Variants in MAST4 observed in about 807,000 individuals in gnomAD.
MAST4 encodes microtubule associated serine/threonine kinase family member 4.
MAST4 carries 89 observed loss-of-function variants against 162.7 expected under a neutral mutation model. The ratio of observed to expected loss-of-function variants is 0.55; its 90% CI spans 0.46 to 0.65. The LOEUF (loss-of-function observed/expected upper bound fraction) is 0.65, where lower values mean the gene tolerates loss of function less well. Ranked by LOEUF, MAST4 falls within the 30% of genes least tolerant of loss-of-function variation. The pLI is 0.00. For missense variants in MAST4, 3,153 were observed against 3,374.0 expected, an observed-to-expected ratio of 0.93 and a Z score of 1.62; for synonymous variants, 1,479 against 1,361.1, an observed-to-expected ratio of 1.09 and a Z score of -1.91.
chr5:67,144,870 A>G, intron 22 of MAST4, 74 bp downstream of exon 22: 1 of 1,506,502 alleles, frequency 6.6e-7, no homozygotes, highest in Admixed American at 2.1e-5. Context: ...AGTGAGCATC[A>G]GAATACCTGG....
chr5:66,754,909 C>G (rs1216924135), intron 1 of MAST4, among the ~76,000 whole-genome samples: 1 of 152,026 alleles, frequency 6.6e-6, no homozygotes, highest in Non-Finnish European at 1.5e-5. Context: ...TGGAATGTGT[C>G]GCAGGTAGAG....
intron 1 of MAST4, among the ~76,000 whole-genome samples, chr5:66,704,645 C>T (rs919749028): frequency 7.9e-5 from 12 of 151,924 alleles, no homozygotes; most frequent in East Asian, 3.9e-4. Context: ...GTACTACAGG[C>T]GCTTGCCACC....
chr5:66,761,122 A>T (rs191329916), intron 2 of MAST4, among the ~76,000 whole-genome samples: 5 of 152,278 alleles, frequency 3.3e-5, no homozygotes, highest in Admixed American at 2.6e-4. Context: ...TGTTACATAG[A>T]TGTATCACAT....
intron 4 of MAST4, among the ~76,000 whole-genome samples, chr5:66,910,978 C>T (rs1763719361): frequency 6.6e-6 from 1 of 152,178 alleles, no homozygotes; most frequent in Admixed American, 6.5e-5. Flanking sequence ...AATCTCTTGA[C>T]TTTGTGATCC....
intron 4 of MAST4, among the ~76,000 whole-genome samples, chr5:67,015,310 C>T (rs538269982): frequency 6.6e-6 from 1 of 152,166 alleles, no homozygotes; most frequent in African/African-American, 2.4e-5. Context: ...AGAAACAACC[C>T]CTGCTTTTCA....
intron 3 of MAST4, among the ~76,000 whole-genome samples, chr5:66,878,882 C>A (rs1189528716): frequency 6.6e-6 from 1 of 152,138 alleles, no homozygotes; most frequent in East Asian, 1.9e-4. Context: ...CCTAACAATT[C>A]TATTGAAAAA....
chr5:67,040,026 C>T (rs1445770722), intron 4 of MAST4, among the ~76,000 whole-genome samples: 1 of 151,366 alleles, frequency 6.6e-6, no homozygotes, highest in Non-Finnish European at 1.5e-5. Context: ...CTAATGCAGT[C>T]AGTGTATCTT....
At position 67,110,215 on chromosome 5, in the gene MAST4, A is replaced by G. The variant is rs771864016; in HGVS notation, c.1458+16A>G. The G allele has an allele frequency of 1.3e-6, 2 of 1,537,590 alleles. No individual in the cohort carries two copies. Among genetic ancestry groups the G allele is most frequent in the Admixed American group, 3.3e-5 (2 of 59,876 alleles). Reference sequence around the variant, plus strand: ...AGAGTGCCTGGTAAGTTGCCCCTTGATGTGACTACATTATTTATTGTTAAC... The same window carrying G: ...AGAGTGCCTGGTAAGTTGCCCCTTGGTGTGACTACATTATTTATTGTTAAC... On this transcript the variant is annotated intron_variant, in intron 11 of 28. Coordinates refer to ENST00000403625, the MANE Select transcript of MAST4 (RefSeq NM_001164664.2).
At position 67,022,835 on chromosome 5, in the gene MAST4, A is replaced by G. The variant is rs1754151950; in HGVS notation, c.675-31569A>G. Among the ~76,000 whole-genome samples, 3 of 152,130 alleles carry G rather than the reference A, an allele frequency of 2.0e-5. No individual in the cohort carries two copies. The South Asian group carries it at 6.2e-4, about 32-fold the overall frequency. On this transcript the variant is annotated intron_variant, in intron 4 of 28. Transcript: ENST00000403625. ...AATTGATCTGATTTGTGTGTGTGAA[A>G]TAAGATTGAGCCTCCATGCTGTGAC...
At chr5:66,708,469 A>G (rs1750283515) in intron 1 of MAST4, among the ~76,000 whole-genome samples, 1 of 152,152 alleles carries the variant, frequency 6.6e-6, no homozygotes, top group South Asian at 2.1e-4. Context: ...ATCATACCTA[A>G]CAGACTCTAG....
chr5:66,989,358 T>C (rs1328918367), intron 4 of MAST4, among the ~76,000 whole-genome samples: 1 of 152,204 alleles, frequency 6.6e-6, no homozygotes, highest in African/African-American at 2.4e-5. Flanking sequence ...GAAATAGTCC[T>C]AGTGTTGAGC....
intron 1 of MAST4, among the ~76,000 whole-genome samples, chr5:66,623,935 C>A (rs1284670554): frequency 3.9e-5 from 6 of 152,038 alleles, no homozygotes; most frequent in Non-Finnish European, 8.8e-5. Flanking sequence ...AATCAACATA[C>A]AAAAACAGTG....
intron 1 of MAST4, among the ~76,000 whole-genome samples, chr5:66,667,953 T>C (rs1561249560): frequency 1.3e-5 from 2 of 152,218 alleles, no homozygotes; most frequent in African/African-American, 2.4e-5. Flanking sequence ...TTTTGAAGTT[T>C]GCCTTATTTA....
At chr5:66,612,109 A>G (rs2149395410) in intron 1 of MAST4, among the ~76,000 whole-genome samples, 1 of 152,308 alleles carries the variant, frequency 6.6e-6, no homozygotes, top group South Asian at 2.1e-4. Context: ...TTTTAACCCA[A>G]ATTCACAGGC....
chr5:67,130,055 G>T (rs1403214135), intron 14 of MAST4, among the ~76,000 whole-genome samples, 155 bp from the exon 15 acceptor site: 1 of 152,134 alleles, frequency 6.6e-6, no homozygotes, highest in East Asian at 1.9e-4. Flanking sequence ...AGTTTAGCCT[G>T]GGATGGGATG....
chr5:66,830,236 C>T (rs1016227120), intron 3 of MAST4, among the ~76,000 whole-genome samples: 7 of 152,112 alleles, frequency 4.6e-5, no homozygotes, highest in Admixed American at 3.9e-4. Flanking sequence ...TTTAAATGAT[C>T]TGAAAATGTT....
chr5:67,060,222 A>G (rs1450989627), intron 5 of MAST4, among the ~76,000 whole-genome samples: 1 of 152,152 alleles, frequency 6.6e-6, no homozygotes, highest in Non-Finnish European at 1.5e-5. Flanking sequence ...CTTGCGCTTC[A>G]GCTATATCAG....
In MAST4 at chr5:66,737,537, G is replaced by A. The variant is rs140449098; in HGVS notation, c.364-22172G>A. On this transcript the variant is annotated intron_variant, in intron 1 of 28. Transcript: ENST00000403625. ...TGTCTGCCTATTATAAGATCACCGCGCCTGGGCAGCTGAGAGTCCCTCCTT... is the reference window on the plus strand; with the variant it reads ...TGTCTGCCTATTATAAGATCACCGCACCTGGGCAGCTGAGAGTCCCTCCTT... Among the ~76,000 whole-genome samples the A allele has an allele frequency of 1.1e-3, 172 of 152,218 alleles. 1 individual carries two copies. Among genetic ancestry groups the A allele is most frequent in the Admixed American group, 4.2e-3 (64 of 15,298 alleles).
intron 1 of MAST4, among the ~76,000 whole-genome samples, chr5:66,719,283 T>C (rs1751048601): frequency 6.6e-6 from 1 of 152,208 alleles, no homozygotes; most frequent in Non-Finnish European, 1.5e-5. Context: ...CTATTCTTTT[T>C]TGGAGGAAAT....
Sources: gnomAD v4.1 joint callset for allele counts (sites outside exome capture counted in the v4.1 genomes callset) on GRCh38, gnomAD v4.1.1 for gene constraint, MANE v1.5 for transcripts, NCBI Gene and HGNC (gene_info 2026-07-23, HGNC 2026-07-21) for gene names.